The following WDR33 variants were observed in gnomAD, a reference collection of about 807,000 sequenced individuals.
The protein encoded by WDR33 is WD repeat domain 33, also known as pre-mRNA 3' end processing protein WDR33.
Under a neutral mutation model 164.9 loss-of-function variants are expected in WDR33, and 47 were observed. The ratio of observed to expected loss-of-function variants is 0.29; its 90% CI spans 0.23 to 0.36. The LOEUF is 0.36. Ranked by LOEUF, WDR33 falls within the 10% of genes least tolerant of loss-of-function variation. The probability of loss-of-function intolerance (pLI) is 1.00; values close to 1 mark genes in which losing one functional copy is unlikely to be tolerated. For missense variants in WDR33, 1,137 were observed against 1,754.1 expected (o/e 0.65, Z 6.28); for synonymous variants, 505 against 589.0 (o/e 0.86, Z 2.06).
chr2:127,802,878 G>A (rs1689301493), intron 1 of WDR33, among the ~76,000 whole-genome samples: 2 of 152,084 alleles, frequency 1.3e-5, no homozygotes, highest in Admixed American at 1.3e-4. Flanking sequence ...CTACTTGGGA[G>A]GCTGAGGTGG....
intron 1 of WDR33, among the ~76,000 whole-genome samples, chr2:127,803,562 T>C (rs1374817249): frequency 6.6e-6 from 1 of 151,942 alleles, no homozygotes; most frequent in Non-Finnish European, 1.5e-5. Flanking sequence ...AGGGAGACTG[T>C]CTCAAAAAAT....
At chr2:127,752,603 A>G (rs1687403515) in intron 7 of WDR33, among the ~76,000 whole-genome samples, 1 of 150,628 alleles carries the variant, frequency 6.6e-6, no homozygotes, top group South Asian at 2.1e-4. Context: ...TCTCAAAAAA[A>G]AAAAAAAAAA....
At chr2:127,788,779 G>A (rs1466197218) in intron 1 of WDR33, among the ~76,000 whole-genome samples, 81 of 146,514 alleles carry the variant, frequency 5.5e-4, no homozygotes, top group African/African-American at 1.7e-3. Flanking sequence ...CAGATGGGGC[G>A]GCTGGCCGGG....
At position 127,763,885 on chromosome 2, in the gene WDR33, G is replaced by A. The variant is rs769977800; in HGVS notation, c.627-726C>T. The A allele has an allele frequency of 1.5e-4, 149 of 985,512 alleles. No homozygotes were observed. The highest frequency in any genetic ancestry group is 1.6e-4 in the Non-Finnish European group (135 of 830,120). 61.0% of individuals were successfully genotyped at this position (985,512 alleles called of 1,614,324 possible). ...TGGAATCCTATGAAGGACCAGCTGT[G>A]TAAACTCAATGTATGGGCATGACAC... On this transcript the variant is annotated intron_variant, in intron 6 of 21. Coordinates refer to ENST00000322313, the MANE Select transcript of WDR33 (RefSeq NM_018383.5). The surrounding 1 kb of genome is among the most constrained non-coding windows in gnomAD (Gnocchi z 4.5).
Position 127,723,238 on chromosome 2 carries a change from G to A in WDR33, c.1291+15C>T. The A allele has an allele frequency of 6.2e-7, 1 of 1,605,948 alleles. No individual in the cohort carries two copies. Among genetic ancestry groups the A allele is most frequent in the Non-Finnish European group, 8.5e-7 (1 of 1,173,870 alleles). ...TACCAGATTTCAAAGAAGGACAGAT[G>A]TGCAAGAGTCTCACCATATTCTACT... On this transcript the variant is annotated intron_variant, in intron 12 of 21. Transcript: ENST00000322313. This position sits in a 1 kb window ranked among gnomAD's most constrained non-coding sequence, Gnocchi z 5.9.
chr2:127,704,837 C>T lies in WDR33; in HGVS notation c.*1486G>A, dbSNP rs1274894612. On this transcript the variant is annotated 3_prime_UTR_variant, in exon 22 of 22. Coordinates refer to ENST00000322313, the MANE Select transcript of WDR33 (RefSeq NM_018383.5). ...GTACTGTGGCTCAGATCTGCAATCC[C>T]AGCACTTTGGGAGGCCACAGCAGGT... 6.0e-6 allele frequency: 1 copy of T among 166,872 alleles called. No individual in the cohort carries two copies. The highest frequency in any genetic ancestry group is 2.4e-5 in the African/African-American group (1 of 41,410). 10.3% of individuals were successfully genotyped at this position (166,872 alleles called of 1,614,324 possible). A position where few individuals can be genotyped will look rare whatever the true frequency, so the allele number is the denominator to read the frequency against.
intron 7 of WDR33, chr2:127,736,277 C>G (rs1686838597): frequency 1.0e-6 from 1 of 985,250 alleles, no homozygotes; most frequent in Admixed American, 6.2e-5. Flanking sequence ...ATGGACACTT[C>G]CGGGGGAGGA....
At chr2:127,766,722 A>T (rs1687832417) in intron 4 of WDR33, among the ~76,000 whole-genome samples, 1 of 144,112 alleles carries the variant, frequency 6.9e-6, no homozygotes. Context: ...TTCCCTGATT[A>T]AAAAAAAAAT....
Position 127,719,286 on chromosome 2 carries a change from C to A in WDR33, c.2739G>T (p.Gly913=), listed in dbSNP as rs998654334. ...ATACCTGGTTGAAGGGGGCCCGGGG[C>A]CCATCACCTAGCAGAGGCGTTTTCT... ...QQQKTPLLGD[G]PRAPFNQEGQ... Residue 913 remains glycine, a synonymous_variant, in exon 16 of 22, where the codon GGG becomes GGT. Transcript: ENST00000322313. The surrounding 1 kb of genome is among the most constrained non-coding windows in gnomAD (Gnocchi z 6.5). 2.3e-5 allele frequency: 33 copies of A among 1,444,826 alleles called. No individual in the cohort carries two copies. In the East Asian group the frequency reaches 8.0e-4, roughly 35 times the overall value. The allele number at this position is 1,444,826 out of a possible 1,614,324, so 89.5% of individuals were successfully genotyped here.
At chr2:127,773,188 A>G (rs887409831) in intron 1 of WDR33, among the ~76,000 whole-genome samples, 13 of 152,214 alleles carry the variant, frequency 8.5e-5, no homozygotes, top group African/African-American at 2.9e-4. Context: ...ACAATAAAGG[A>G]GAGAAGTTAC....
chr2:127,798,835 A>G (rs1455188988), intron 1 of WDR33: 1 of 152,152 alleles, frequency 6.6e-6, no homozygotes, highest in African/African-American at 2.4e-5. Flanking sequence ...TCTACTAAGT[A>G]AAATTTAAGT....
At chr2:127,740,003 G>C (rs1242684633) in intron 7 of WDR33, among the ~76,000 whole-genome samples, 1 of 152,068 alleles carries the variant, frequency 6.6e-6, no homozygotes, top group Non-Finnish European at 1.5e-5. Flanking sequence ...CACAAAATGA[G>C]AGACCACCAT....
In WDR33 at chr2:127,770,591, T is replaced by A. The variant is rs1439594563; in HGVS notation, c.204+187A>T. 1.3e-5 allele frequency among the ~76,000 whole-genome samples: 2 copies of A among 151,954 alleles called. No homozygotes were observed. The highest frequency in any genetic ancestry group is 2.9e-5 in the Non-Finnish European group (2 of 67,996). ...CTATAATCCCAGCTACTTGGGAAGC[T>A]GAGGCAGGAGAATCACTTGAACCCG... On this transcript the variant is annotated intron_variant, in intron 2 of 21. Transcript: ENST00000322313. The surrounding 1 kb of genome is among the most constrained non-coding windows in gnomAD (Gnocchi z 4.9).
In WDR33 at chr2:127,770,898, C is replaced by T. The variant is rs748789599; in HGVS notation, c.84G>A (p.Lys28=). 27 of 1,613,910 alleles carry T rather than the reference C, an allele frequency of 1.7e-5. No individual in the cohort carries two copies. Among genetic ancestry groups the T allele is most frequent in the Non-Finnish European group, 2.3e-5 (27 of 1,180,026 alleles). The change falls in exon 2 of 22, where the codon AAG becomes AAA. Residue 28 remains lysine (K), a synonymous_variant. Transcript: ENST00000322313. The surrounding 1 kb of genome is among the most constrained non-coding windows in gnomAD (Gnocchi z 4.9). ...QHQAPRQLFY[K]RPDFAQQQAM... is the part of the protein sequence containing the mutation. The stretch of plus-strand genomic sequence containing the variant: ...CTTGCTGTTGTGCAAAATCAGGTCG[C>T]TTATAAAACAGCTGTCGAGGTGCCT...
In WDR33 at chr2:127,703,566, C is replaced by T. The variant is rs1472607509; in HGVS notation, c.*2757G>A. 1 of 167,094 alleles carries T rather than the reference C, an allele frequency of 6.0e-6. No individual in the cohort carries two copies. The highest frequency in any genetic ancestry group is 1.5e-5 in the Non-Finnish European group (1 of 68,130). 10.4% of individuals were successfully genotyped at this position (167,094 alleles called of 1,614,324 possible). A position where few individuals can be genotyped will look rare whatever the true frequency, so the allele number is the denominator to read the frequency against. Reference sequence around the variant, plus strand: ...ACACTGTAGGCTTGCAGGCTACCCGCCCTGAGATTTGGTAAAGAACACTGC... The same window carrying T: ...ACACTGTAGGCTTGCAGGCTACCCGTCCTGAGATTTGGTAAAGAACACTGC... On this transcript the variant is annotated 3_prime_UTR_variant, in exon 22 of 22. Transcript: ENST00000322313.
rs781610492 is a variant in WDR33, at chr2:127,709,815, G to A, written c.3350C>T (p.Pro1117Leu). 1 of 1,614,052 alleles carries A rather than the reference G, an allele frequency of 6.2e-7. No homozygotes were observed. Among genetic ancestry groups the A allele is most frequent in the Non-Finnish European group, 8.5e-7 (1 of 1,180,050 alleles). The change falls in exon 19 of 22, where the codon CCC (proline) becomes CTC (leucine). Residue 1117 changes from proline to leucine, a missense_variant. Physicochemically the swap from Pro to Leu is moderately conservative, Grantham distance 98 (BLOSUM62 -3). Coordinates refer to ENST00000322313, the MANE Select transcript of WDR33 (RefSeq NM_018383.5). The surrounding 1 kb of genome is among the most constrained non-coding windows in gnomAD (Gnocchi z 5.0). ...GAPPRHEGRAPPRGRDGFPGP... is the reference protein window; with the variant it reads ...GAPPRHEGRALPRGRDGFPGP... ...AGGAAAACCATCCCTTCCTCTGGGGGGAGCACGGCCCTCATGCCTCGGCGG... is the reference window on the plus strand; with the variant it reads ...AGGAAAACCATCCCTTCCTCTGGGGAGAGCACGGCCCTCATGCCTCGGCGG...
At position 127,764,983 on chromosome 2, in the gene WDR33, TG is replaced by T; in HGVS notation, c.475-5del. 6.2e-7 allele frequency: 1 copy of T among 1,613,156 alleles called. No individual in the cohort carries two copies. Among genetic ancestry groups the T allele is most frequent in the Non-Finnish European group, 8.5e-7 (1 of 1,179,574 alleles). On this transcript the variant is annotated splice_region_variant and splice_polypyrimidine_tract_variant and intron_variant, in intron 5 of 21. Transcript: ENST00000322313. The surrounding 1 kb of genome is among the most constrained non-coding windows in gnomAD (Gnocchi z 6.2). ...CCCTCACTGGGCTGTCGTGAGCCTG[TG>T]AAAGCAGAAAACATTAATTAGTAAG...
chr2:127,791,164 A>C (rs938269227), intron 1 of WDR33, among the ~76,000 whole-genome samples: 10,822 of 54,374 alleles, frequency 0.2, 24 homozygotes, highest in Non-Finnish European at 0.23. Context: ...TCCCCACCCC[A>C]CCCCCCCCCC....
intron 1 of WDR33, among the ~76,000 whole-genome samples, chr2:127,802,431 G>A (rs538009387): frequency 1.3e-5 from 2 of 152,004 alleles, no homozygotes; most frequent in Non-Finnish European, 2.9e-5. Context: ...ACAGGCATGT[G>A]CCACCACGCC....
Sources: gnomAD v4.1 joint callset for allele counts (sites outside exome capture counted in the v4.1 genomes callset) on GRCh38, gnomAD v4.1.1 for gene constraint, Gnocchi (gnomAD v3.1) non-coding constraint, MANE v1.5 for transcripts, NCBI Gene and HGNC (gene_info 2026-07-23, HGNC 2026-07-21) for gene names.